UNC13A: variants seen among roughly 807,000 people sequenced by gnomAD.
UNC13A encodes unc-13 homolog A.
UNC13A carries 61 observed loss-of-function variants against 219.7 expected under a neutral mutation model. That is an observed-to-expected ratio of 0.28 (90% CI 0.23 to 0.34). The LOEUF is 0.34. UNC13A is among the 10% of genes least tolerant of loss of function. The probability of loss-of-function intolerance (pLI) is 1.00; values close to 1 mark genes in which losing one functional copy is unlikely to be tolerated. For synonymous variants in UNC13A, 920 were observed against 884.6 expected (o/e 1.04, Z -0.71); for missense variants, 1,476 against 2,270.3 (o/e 0.65, Z 7.11).
intron 26 of UNC13A, among the ~76,000 whole-genome samples, chr19:17,634,645 G>A (rs191688296): frequency 6.6e-5 from 10 of 151,624 alleles, no homozygotes; most frequent in South Asian, 4.2e-4. Context: ...TGGCCCATCC[G>A]TTCCTTTATC....
chr19:17,617,574 GGTGCAGAGAT>G, intron 41 of UNC13A, 118 bp downstream of exon 41: 4 of 1,359,298 alleles, frequency 2.9e-6, no homozygotes, highest in Non-Finnish European at 4.1e-6. Flanking sequence ...CCCTGGACTT[GGTGCAGAGAT>G]GTCAATTCCG....
At chr19:17,681,869 C>T (rs893363171) in intron 1 of UNC13A, among the ~76,000 whole-genome samples, 1 of 152,108 alleles carries the variant, frequency 6.6e-6, no homozygotes, top group Non-Finnish European at 1.5e-5. Flanking sequence ...CCCCAGAATG[C>T]AGTGGACTCT....
In UNC13A at chr19:17,609,266, G is replaced by A. The variant is rs572633512; in HGVS notation, c.4811+674C>T. Among the ~76,000 whole-genome samples, 39 of 151,812 alleles carry A rather than the reference G, an allele frequency of 2.6e-4. No individual in the cohort carries two copies. The South Asian group carries it at 7.5e-3, about 29-fold the overall frequency. ...ATGACAGGTGTGAGCCACCACACTC[G>A]GCCAGAGCAGACTTTTTTATGCTGT... is the stretch of plus-strand genomic sequence containing the variant. On this transcript the variant is annotated intron_variant, in intron 43 of 43. Coordinates refer to ENST00000519716, the MANE Select transcript of UNC13A (RefSeq NM_001080421.3).
In UNC13A at chr19:17,606,214, C is replaced by T. The variant is rs1274510398; in HGVS notation, c.4952G>A (p.Cys1651Tyr). 5 of 1,555,024 alleles carry T rather than the reference C, an allele frequency of 3.2e-6. No individual in the cohort carries two copies. Among genetic ancestry groups the T allele is most frequent in the Admixed American group, 1.9e-5 (1 of 51,788 alleles). The change falls in exon 44 of 44, where the codon TGC (cysteine) becomes TAC (tyrosine). Residue 1651 changes from cysteine (C) to tyrosine (Y), a missense_variant. This residue lies in a region of UNC13A where 187 missense variants were observed against 172.3 expected (regional missense o/e 1.09). Coordinates refer to ENST00000519716, the MANE Select transcript of UNC13A (RefSeq NM_001080421.3). ...RELAQRGSAA[C>Y]WLPLGRRIHM... ...GATGCGGCGGCCGAGCGGCAGCCAG[C>T]AGGCGGCGCTCCCGCGCTGGGCCAG...
At chr19:17,659,580 C>T (rs1187321809) in intron 8 of UNC13A, among the ~76,000 whole-genome samples, 1 of 152,120 alleles carries the variant, frequency 6.6e-6, no homozygotes, top group African/African-American at 2.4e-5. Flanking sequence ...TCAGCCTGGG[C>T]AACATAGTAA....
chr19:17,630,296 G>A lies in UNC13A; in HGVS notation c.3526-8C>T. On this transcript the variant is annotated splice_region_variant and splice_polypyrimidine_tract_variant and intron_variant, in intron 29 of 43. Transcript: ENST00000519716. ...CTCTGAGGTCTGCTGGAACTGCAGGGGGAAGGAGGCCAAGAGGAAGGAGGA... is the reference window on the plus strand; with the variant it reads ...CTCTGAGGTCTGCTGGAACTGCAGGAGGAAGGAGGCCAAGAGGAAGGAGGA... 1 of 1,560,966 alleles carries A rather than the reference G, an allele frequency of 6.4e-7. No individual in the cohort carries two copies. Among genetic ancestry groups the A allele is most frequent in the South Asian group, 1.2e-5 (1 of 84,474 alleles).
intron 1 of UNC13A, among the ~76,000 whole-genome samples, chr19:17,686,483 G>A (rs1270648774): frequency 1.3e-5 from 2 of 151,888 alleles, no homozygotes; most frequent in Non-Finnish European, 2.9e-5. Flanking sequence ...TAGAGCAGGG[G>A]GAGAGGTCAG....
chr19:17,681,658 T>C (rs573858482), intron 1 of UNC13A, among the ~76,000 whole-genome samples: 12 of 152,186 alleles, frequency 7.9e-5, no homozygotes, highest in Non-Finnish European at 1.6e-4. Flanking sequence ...CTATAGTAGG[T>C]GCTCATTAAA....
rs532033193 is a variant in UNC13A at position 17,630,870 on chromosome 19, C to T, written c.3429-120G>A. ...CTGCTCCTGCTCTGCCTGGAGCTCT[C>T]CCTGCAGCCTTGAGTGGCTGCTCCT... On this transcript the variant is annotated intron_variant, in intron 28 of 43. Transcript: ENST00000519716. The T allele has an allele frequency of 1.3e-4, 112 of 844,916 alleles. No individual in the cohort carries two copies. The East Asian group carries it at 2.7e-3, about 20-fold the overall frequency. The allele number at this position is 844,916 out of a possible 1,614,324, so 52.3% of individuals were successfully genotyped here.
At chr19:17,664,159 C>T (rs893836147) in intron 7 of UNC13A, among the ~76,000 whole-genome samples, 3 of 151,982 alleles carry the variant, frequency 2.0e-5, no homozygotes, top group Non-Finnish European at 4.4e-5. Flanking sequence ...GGTATTTGGG[C>T]CCAGGGTTTT....
intron 1 of UNC13A, among the ~76,000 whole-genome samples, chr19:17,680,451 G>T (rs527980504): frequency 4.9e-4 from 75 of 152,318 alleles, no homozygotes; most frequent in Non-Finnish European, 9.1e-4. Flanking sequence ...GGTGCCCACT[G>T]CTGTCCCCAG....
chr19:17,682,775 A>C (rs1405227318), intron 1 of UNC13A, among the ~76,000 whole-genome samples: 3 of 152,214 alleles, frequency 2.0e-5, no homozygotes, highest in Non-Finnish European at 2.9e-5. Context: ...AGAAGAAAGC[A>C]ATCCTGGCTG....
At chr19:17,636,556 T>C (rs1364586000) in intron 25 of UNC13A, among the ~76,000 whole-genome samples, 1 of 152,158 alleles carries the variant, frequency 6.6e-6, no homozygotes, top group Non-Finnish European at 1.5e-5. Flanking sequence ...GGAGTGCAAT[T>C]CAACCTAACT....
At chr19:17,647,224 G>A in intron 17 of UNC13A, 41 bp downstream of exon 17, 3 of 1,523,242 alleles carry the variant, frequency 2.0e-6, no homozygotes, top group East Asian at 2.5e-5. Context: ...GTCTCAGAGG[G>A]TGGAGAAGGA....
rs761825078 is a variant in UNC13A, at chr19:17,674,761, G to C, written c.53-5C>G. ...TCACGTACGTGTTGAATTTCTCTGT[G>C]GCAGTGAGAGTAGGGGTCAGCGCTG... On this transcript the variant is annotated splice_polypyrimidine_tract_variant and splice_region_variant and intron_variant, in intron 2 of 43. Transcript: ENST00000519716. This position sits in a 1 kb window ranked among gnomAD's most constrained non-coding sequence, Gnocchi z 5.0. The C allele has an allele frequency of 1.2e-6, 2 of 1,613,384 alleles. No homozygotes were observed. Among genetic ancestry groups the C allele is most frequent in the Non-Finnish European group, 1.7e-6 (2 of 1,179,432 alleles).
rs961516237 is a variant in UNC13A at position 17,605,782 on chromosome 19, T to C, written c.*272A>G. The C allele has an allele frequency of 4.3e-4, 172 of 401,216 alleles. No individual in the cohort carries two copies. Among genetic ancestry groups the C allele is most frequent in the Non-Finnish European group, 3.5e-4 (79 of 227,988 alleles). The allele number at this position is 401,216 out of a possible 1,614,324, so 24.9% of individuals were successfully genotyped here. Reference sequence around the variant, plus strand: ...AGGTTTCCCCCATCCCAGCTCAAAATGCCCCCTAGGTGCTGGGGGCGTGGC... The same window carrying C: ...AGGTTTCCCCCATCCCAGCTCAAAACGCCCCCTAGGTGCTGGGGGCGTGGC... On this transcript the variant is annotated 3_prime_UTR_variant, in exon 44 of 44. Coordinates refer to ENST00000519716, the MANE Select transcript of UNC13A (RefSeq NM_001080421.3).
intron 20 of UNC13A, among the ~76,000 whole-genome samples, chr19:17,642,032 A>ATCCATCCATCCATC (rs2076975953): frequency 8.6e-5 from 13 of 150,396 alleles, no homozygotes; most frequent in East Asian, 2.0e-4. Context: ...ATCTGCCTAT[A>ATCCATCCATCCATC]CATCCATCCA....
Position 17,601,901 on chromosome 19 carries a change from A to C in UNC13A, c.*4153T>G, listed in dbSNP as rs1006785717. ...CTTAGGAAAGGATTCTGGGGAGCAG[A>C]CGGGGTTGTGATCCGGGACTAAGGC... On this transcript the variant is annotated 3_prime_UTR_variant, in exon 44 of 44. Coordinates refer to ENST00000519716, the MANE Select transcript of UNC13A (RefSeq NM_001080421.3). 2.0e-5 allele frequency: 3 copies of C among 152,608 alleles called. No individual in the cohort carries two copies. Among genetic ancestry groups the C allele is most frequent in the Non-Finnish European group, 4.4e-5 (3 of 68,036 alleles). The allele number at this position is 152,608 out of a possible 1,614,324, so 9.5% of individuals were successfully genotyped here. A position where few individuals can be genotyped will look rare whatever the true frequency, so the allele number is the denominator to read the frequency against.
At position 17,669,692 on chromosome 19, in the gene UNC13A, G is replaced by A. The variant is rs775410169; in HGVS notation, c.271-16C>T. On this transcript the variant is annotated splice_polypyrimidine_tract_variant and intron_variant, in intron 4 of 43. Coordinates refer to ENST00000519716, the MANE Select transcript of UNC13A (RefSeq NM_001080421.3). ...CAGGGCCCTCCTGGGGGTTGGGGGAGGAGGTGTGTGGGTCAGGAATCTGCT... is the reference window on the plus strand; with the variant it reads ...CAGGGCCCTCCTGGGGGTTGGGGGAAGAGGTGTGTGGGTCAGGAATCTGCT... The A allele has an allele frequency of 2.1e-5, 34 of 1,598,826 alleles. No individual in the cohort carries two copies. The highest frequency in any genetic ancestry group is 2.7e-5 in the Non-Finnish European group (32 of 1,172,988).
Sources: allele counts gnomAD v4.1 joint callset (sites outside exome capture counted in the v4.1 genomes callset), GRCh38; gene constraint gnomAD v4.1.1; regional missense constraint gnomAD v4.1.1; non-coding constraint Gnocchi (gnomAD v3.1); transcripts MANE v1.5; gene names NCBI Gene and HGNC (gene_info 2026-07-23, HGNC 2026-07-21).